Variants in TENM2 observed in about 807,000 individuals in gnomAD.
TENM2 encodes the protein teneurin-2.
In TENM2, 52 loss-of-function variants were observed where a neutral mutation model predicts 245.2. That is an observed-to-expected ratio of 0.21 (90% confidence interval 0.17 to 0.27). The LOEUF is 0.27. TENM2 is among the 10% of genes least tolerant of loss of function. The probability of loss-of-function intolerance (pLI) is 1.00; values close to 1 mark genes in which losing one functional copy is unlikely to be tolerated. For missense variants in TENM2, 3,046 were observed against 3,666.8 expected, an observed-to-expected ratio of 0.83 and a Z score of 4.37; for synonymous variants, 1,363 against 1,438.9, an observed-to-expected ratio of 0.95 and a Z score of 1.19.
At chr5:167,145,999 A>T in the TENM2 span, among the ~76,000 whole-genome samples, 2 of 152,078 alleles carry the variant, frequency 1.3e-5, no homozygotes, top group Admixed American at 1.3e-4. Context: ...CCCGTGACAG[A>T]TGGGAGCTTC....
At chr5:167,952,759 C>T in exon 4 of TENM2, 1 of 1,584,132 alleles carries the variant, frequency 6.3e-7, no homozygotes, top group Non-Finnish European at 8.6e-7. Flanking sequence ...CTGGCCACCA[C>T]ACCAGAGTCC....
At chr5:168,191,041 CTT>C (rs144955072) in intron 14 of TENM2, among the ~76,000 whole-genome samples, 2,941 of 152,242 alleles carry the variant, frequency 0.019, 58 homozygotes, top group Middle Eastern at 0.065. Flanking sequence ...GAGCCAGAGA[CTT>C]TGTGTAGATT....
chr5:167,302,566 G>A (rs1445901500), intron 1 of TENM2, among the ~76,000 whole-genome samples: 1 of 151,682 alleles, frequency 6.6e-6, no homozygotes, highest in African/African-American at 2.4e-5. Context: ...GTCGGGGCGT[G>A]GAAATAAGGG....
intron 3 of TENM2, among the ~76,000 whole-genome samples, chr5:167,907,557 ATATATATATATATATG>A (rs1291293939): frequency 1.8e-5 from 2 of 109,976 alleles, no homozygotes; most frequent in African/African-American, 3.6e-5. Flanking sequence ...ATATATATAT[ATATATATATATATATG>A]TATGTATTAT....
chr5:167,429,498 A>G (rs1177677378), intron 2 of TENM2, among the ~76,000 whole-genome samples: 1 of 152,130 alleles, frequency 6.6e-6, no homozygotes, highest in Non-Finnish European at 1.5e-5. Flanking sequence ...AATGAACAAG[A>G]CAAAAGCACA....
the TENM2 span, among the ~76,000 whole-genome samples, chr5:167,071,985 C>T: frequency 6.8e-6 from 1 of 147,256 alleles, no homozygotes; most frequent in South Asian, 2.2e-4. Context: ...AAGGGCTTCT[C>T]AGAGTGGTTG....
At chr5:168,194,817 G>T (rs1412736975) in intron 14 of TENM2, among the ~76,000 whole-genome samples, 1 of 152,118 alleles carries the variant, frequency 6.6e-6, no homozygotes, top group African/African-American at 2.4e-5. Flanking sequence ...GTAGCCAGAT[G>T]TGGAAGCTCT....
the TENM2 span, among the ~76,000 whole-genome samples, chr5:167,029,395 T>G: frequency 6.6e-6 from 1 of 152,194 alleles, no homozygotes; most frequent in Admixed American, 6.5e-5. Flanking sequence ...TGGCCTCTAA[T>G]GAGCCAATAG....
chr5:167,531,692 C>A (rs1360246340), intron 2 of TENM2, among the ~76,000 whole-genome samples: 1 of 149,366 alleles, frequency 6.7e-6, no homozygotes, highest in Admixed American at 7.1e-5. Context: ...TCAATGTTTT[C>A]AGATTCCACG....
chr5:167,510,794 A>G (rs945876618), intron 2 of TENM2, among the ~76,000 whole-genome samples: 1 of 152,194 alleles, frequency 6.6e-6, no homozygotes, highest in South Asian at 2.1e-4. Context: ...CGTCACTTAA[A>G]TTGCAATTGC....
At chr5:168,232,197 A>G (rs1764991790) in intron 25 of TENM2, 1 of 152,326 alleles carries the variant, frequency 6.6e-6, no homozygotes, top group African/African-American at 2.4e-5. Context: ...AAGAAACTAA[A>G]TCACTAGCAG....
intron 25 of TENM2, among the ~76,000 whole-genome samples, chr5:168,231,457 G>C (rs769402332): frequency 5.3e-5 from 8 of 152,228 alleles, no homozygotes; most frequent in Non-Finnish European, 1.0e-4. Context: ...CAGTGGATGT[G>C]TTAGAGAGTA....
At chr5:167,998,604 G>A (rs1176578539) in intron 5 of TENM2, among the ~76,000 whole-genome samples, 1 of 152,154 alleles carries the variant, frequency 6.6e-6, no homozygotes, top group African/African-American at 2.4e-5. Flanking sequence ...GTAAGGGAAG[G>A]CAGGAGAGAG....
chr5:167,413,761 G>A (rs957120039), intron 2 of TENM2, among the ~76,000 whole-genome samples: 8 of 152,094 alleles, frequency 5.3e-5, no homozygotes, highest in Admixed American at 4.6e-4. Flanking sequence ...ATAACAGAGT[G>A]CAATTCTAAA....
At position 167,633,553 on chromosome 5, in the gene TENM2, A is replaced by G. The variant is rs75700659; in HGVS notation, c.503-242433A>G. 5.2e-3 allele frequency among the ~76,000 whole-genome samples: 791 copies of G among 152,316 alleles called. 9 individuals carry two copies. The highest frequency in any genetic ancestry group is 0.018 in the African/African-American group (757 of 41,576). On this transcript the variant is annotated intron_variant, in intron 2 of 28. Coordinates refer to ENST00000518659, the Ensembl canonical transcript of TENM2. ...TAATCCAAGCTAATTTTACTTCATA[A>G]TATCAGGTAGAGTTTCATCTAAAGC...
In TENM2 at chr5:167,750,405, G is replaced by T. The variant is rs150201605; in HGVS notation, c.503-125581G>T. Reference sequence around the variant, plus strand: ...ATATCCTGAGTAATTCTTGACAAAGGCATTGTCCTCGTCATCCTGTAGTGG... The same window carrying T: ...ATATCCTGAGTAATTCTTGACAAAGTCATTGTCCTCGTCATCCTGTAGTGG... On this transcript the variant is annotated intron_variant, in intron 2 of 28. Transcript: ENST00000518659. Among the ~76,000 whole-genome samples, 59 of 152,164 alleles carry T rather than the reference G, an allele frequency of 3.9e-4. No homozygotes were observed. In the East Asian group the frequency reaches 0.01, roughly 26 times the overall value.
At chr5:167,008,827 A>T in the TENM2 span, among the ~76,000 whole-genome samples, 1 of 152,274 alleles carries the variant, frequency 6.6e-6, no homozygotes, top group Admixed American at 6.5e-5. Context: ...AGTCATGTAT[A>T]TCGTTCCTAT....
intron 3 of TENM2, among the ~76,000 whole-genome samples, chr5:167,909,601 T>G (rs1195855589): frequency 5.3e-5 from 8 of 152,164 alleles, no homozygotes; most frequent in Non-Finnish European, 1.2e-4. Context: ...GATCTAATCT[T>G]TATTTAACAA....
chr5:167,997,871 C>T (rs538244958), intron 5 of TENM2, among the ~76,000 whole-genome samples: 41 of 152,276 alleles, frequency 2.7e-4, no homozygotes, highest in African/African-American at 9.9e-4. Context: ...TTGTCCACAT[C>T]TCTATTACAA....
Sources: allele counts gnomAD v4.1 joint callset (sites outside exome capture counted in the v4.1 genomes callset), GRCh38; gene constraint gnomAD v4.1.1; transcripts MANE v1.5; gene names NCBI Gene and HGNC (gene_info 2026-07-23, HGNC 2026-07-21).